ZBED1: variants seen among roughly 807,000 people sequenced by gnomAD.
ZBED1 encodes the protein E3 SUMO-protein ligase ZBED1.
A neutral mutation model predicts 49.7 loss-of-function variants in ZBED1; 19 were observed. The observed-to-expected ratio is 0.38, with a 90% CI of 0.27 to 0.56. The LOEUF is 0.56. Ranked by LOEUF, ZBED1 falls within the 20% of genes least tolerant of loss-of-function variation. ZBED1 has a pLI of 0.70. For missense variants in ZBED1, 806 were observed against 972.6 expected (o/e 0.83, Z 2.28); for synonymous variants, 439 against 440.3 (o/e 1.00, Z 0.04).
At position 2,499,495 on chromosome X, in the gene ZBED1, C is replaced by G. The variant is rs754050745; in HGVS notation, c.-54+1322G>C. Among the ~76,000 whole-genome samples the G allele has an allele frequency of 1.5e-4, 23 of 152,310 alleles. No homozygotes were observed. The East Asian group carries it at 4.2e-3, about 28-fold the overall frequency. On this transcript the variant is annotated intron_variant, in intron 1 of 1. Coordinates refer to ENST00000652001, the MANE Select transcript of ZBED1 (RefSeq NM_001171136.2). ...GTTTAAATTGAGAATATGGGCTGGG[C>G]ACAGTGGCGCTCTGTCTGTAATCCC...
At chrX:2,492,415 C>G (rs1431332351) in intron 1 of ZBED1, among the ~76,000 whole-genome samples, 1 of 151,370 alleles carries the variant, frequency 6.6e-6, no homozygotes. Context: ...AGGAAGGATC[C>G]TCCTCTAGAG....
chrX:2,500,806 G>C lies in ZBED1; in HGVS notation c.-54+11C>G. ...TCCCCGGAGCCCTGACCCCTGCCCCGCCCCGCTGACCTGGCTCCAGGAAGC... is the reference window on the plus strand; with the variant it reads ...TCCCCGGAGCCCTGACCCCTGCCCCCCCCCGCTGACCTGGCTCCAGGAAGC... On this transcript the variant is annotated intron_variant, in intron 1 of 1. Transcript: ENST00000652001. 1 of 957,744 alleles carries C rather than the reference G, an allele frequency of 1.0e-6. No individual in the cohort carries two copies. The highest frequency in any genetic ancestry group is 1.2e-6 in the Non-Finnish European group (1 of 818,026). 59.3% of individuals were successfully genotyped at this position (957,744 alleles called of 1,614,324 possible). A position where few individuals can be genotyped will look rare whatever the true frequency, so the allele number is the denominator to read the frequency against.
At chrX:2,491,066 G>GTTT (rs900738620) in intron 1 of ZBED1, among the ~76,000 whole-genome samples, 2,418 of 110,060 alleles carry the variant, frequency 0.022, 134 homozygotes, top group South Asian at 0.043. Context: ...AGTGCCTTTA[G>GTTT]TTTTTTTTTT....
rs1354246361 is a variant in ZBED1, at chrX:2,489,524, T to C, written c.1196A>G (p.Glu399Gly). The C allele has an allele frequency of 1.2e-6, 2 of 1,612,948 alleles. No homozygotes were observed. Among genetic ancestry groups the C allele is most frequent in the South Asian group, 2.2e-5 (2 of 91,016 alleles). The change falls in exon 2 of 2, where the codon GAG becomes GGG. Residue 399 changes from glutamate to glycine, a missense_variant. Coordinates refer to ENST00000652001, the MANE Select transcript of ZBED1 (RefSeq NM_001171136.2). ...SEWATIEGLV[E>G]LLQPFKQVAE... is the part of the protein sequence containing the mutation. Reference sequence around the variant, plus strand: ...CACCTGCTTGAAGGGCTGCAGGAGCTCCACCAGCCCCTCGATGGTGGCCCA... The same window carrying C: ...CACCTGCTTGAAGGGCTGCAGGAGCCCCACCAGCCCCTCGATGGTGGCCCA...
At chrX:2,491,066 G>GTT (rs900738620) in intron 1 of ZBED1, among the ~76,000 whole-genome samples, 22,293 of 109,494 alleles carry the variant, frequency 0.2, 3,254 homozygotes, top group East Asian at 0.63. Flanking sequence ...AGTGCCTTTA[G>GTT]TTTTTTTTTT....
chrX:2,495,447 G>C (rs1295009039), intron 1 of ZBED1, among the ~76,000 whole-genome samples: 1 of 152,016 alleles, frequency 6.6e-6, no homozygotes, highest in African/African-American at 2.4e-5. Flanking sequence ...CTAGTACCTG[G>C]AGTGAAGTTT....
chrX:2,500,353 T>C, intron 1 of ZBED1: 1 of 178,868 alleles, frequency 5.6e-6, no homozygotes, highest in South Asian at 1.2e-4. Flanking sequence ...CGCCCGCTCC[T>C]CCCCTCCGGG....
intron 1 of ZBED1, among the ~76,000 whole-genome samples, chrX:2,495,828 TCACGTTTCCAATTGCACATC>T (rs1405471501): frequency 6.6e-6 from 1 of 152,010 alleles, no homozygotes; most frequent in African/African-American, 2.4e-5. Context: ...GCCGGCGATT[TCACGTTTCCAATTGCACATC>T]CATGAGAGGC....
chrX:2,492,605 G>A (rs2045180977), intron 1 of ZBED1, among the ~76,000 whole-genome samples: 1 of 151,924 alleles, frequency 6.6e-6, no homozygotes, highest in Non-Finnish European at 1.5e-5. Context: ...AGCCCTAAAT[G>A]CAGTGACAGA....
rs373349701 is a variant in ZBED1 at position 2,488,671 on chromosome X, G to A, written c.2049C>T (p.Gly683=). 1.2e-5 allele frequency: 19 copies of A among 1,610,956 alleles called. No individual in the cohort carries two copies. The highest frequency in any genetic ancestry group is 6.7e-5 in the African/African-American group (5 of 74,716). The change falls in exon 2 of 2, where the codon GGC becomes GGT. Residue 683 remains glycine (G), a synonymous_variant. Coordinates refer to ENST00000652001, the MANE Select transcript of ZBED1 (RefSeq NM_001171136.2). ...QVFSLGDGVS[G]GFFGIRDSSF... is the part of the protein sequence containing the mutation. ...TGCTGTCCCTAATGCCAAAGAAACC[G>A]CCGCTGACGCCATCCCCCAAGGAGA...
chrX:2,500,392 G>A, intron 1 of ZBED1: 2 of 171,108 alleles, frequency 1.2e-5, no homozygotes, highest in Admixed American at 6.0e-5. Flanking sequence ...GTCACTGGCC[G>A]ACCGCAGGCG....
chrX:2,498,476 CGAT>C (rs2045333974), intron 1 of ZBED1, among the ~76,000 whole-genome samples: 1 of 152,098 alleles, frequency 6.6e-6, no homozygotes, highest in African/African-American at 2.4e-5. Context: ...GGAAGGGGCT[CGAT>C]GAGGGCAAGC....
chrX:2,496,004 G>C (rs1019312327), intron 1 of ZBED1, among the ~76,000 whole-genome samples: 2 of 152,046 alleles, frequency 1.3e-5, no homozygotes, highest in African/African-American at 4.8e-5. Context: ...TTCTCCCTAG[G>C]TTTTTGTTAT....
chrX:2,495,136 CTATTAT>C lies in ZBED1; in HGVS notation c.-53-4370_-53-4365del, dbSNP rs199925971. 8.6e-3 allele frequency among the ~76,000 whole-genome samples: 1,287 copies of C among 149,606 alleles called. 37 individuals are homozygous for C. The highest frequency in any genetic ancestry group is 0.083 in the East Asian group (421 of 5,094). On this transcript the variant is annotated intron_variant, in intron 1 of 1. Coordinates refer to ENST00000652001, the MANE Select transcript of ZBED1 (RefSeq NM_001171136.2). ...TATTCTATCATTATTATCATTATTA[CTATTAT>C]TATTATTATTACTGGGCTGAAAGAA...
intron 1 of ZBED1, among the ~76,000 whole-genome samples, chrX:2,493,148 G>A (rs765449547): frequency 1.6e-4 from 24 of 152,296 alleles, no homozygotes; most frequent in African/African-American, 5.1e-4. Flanking sequence ...CTGAGAGAAT[G>A]AATAACATGA....
intron 1 of ZBED1, among the ~76,000 whole-genome samples, chrX:2,497,443 T>TTTCTAATAGCCACTG (rs1437144264): frequency 2.0e-5 from 3 of 152,188 alleles, no homozygotes; most frequent in African/African-American, 7.2e-5. Context: ...TTCTACCTGA[T>TTTCTAATAGCCACTG]TTCTAATAGC....
At position 2,489,744 on chromosome X, in the gene ZBED1, C is replaced by T; in HGVS notation, c.976G>A (p.Ala326Thr). 6.2e-7 allele frequency: 1 copy of T among 1,613,262 alleles called. No individual in the cohort carries two copies. Among genetic ancestry groups the T allele is most frequent in the Non-Finnish European group, 8.5e-7 (1 of 1,179,872 alleles). Residue 326 changes from alanine to threonine, a missense_variant, in exon 2 of 2, where the codon GCC (alanine) becomes ACC (threonine). This residue lies in a region of ZBED1 where 749 missense variants were observed against 861.3 expected (regional missense o/e 0.87). Coordinates refer to ENST00000652001, the MANE Select transcript of ZBED1 (RefSeq NM_001171136.2). ...RKLVEYFQQS[A>T]VAMYMLYEKQ... ...TCATAGAGCATGTACATGGCCACGG[C>T]AGACTGCTGGAAGTACTCCACCAGT... is the stretch of plus-strand genomic sequence containing the variant.
chrX:2,488,973 G>C lies in ZBED1; in HGVS notation c.1747C>G (p.Leu583Val). The C allele has an allele frequency of 6.3e-7, 1 of 1,599,736 alleles. No homozygotes were observed. Among genetic ancestry groups the C allele is most frequent in the Non-Finnish European group, 8.5e-7 (1 of 1,171,594 alleles). ...SNFKSQKVLG[L>V]NEDPLKWWSD... Reference sequence around the variant, plus strand: ...CACCACTTGAGGGGGTCTTCGTTGAGGCCAAGCACCTTCTGGGACTTGAAG... The same window carrying C: ...CACCACTTGAGGGGGTCTTCGTTGACGCCAAGCACCTTCTGGGACTTGAAG... Residue 583 changes from leucine to valine, a missense_variant, in exon 2 of 2, where the codon CTC becomes GTC. Around this residue, in one of 2 missense-constraint regions of ZBED1, gnomAD observed 749 missense variants for 861.3 expected, o/e 0.87. Coordinates refer to ENST00000652001, the MANE Select transcript of ZBED1 (RefSeq NM_001171136.2).
At chrX:2,492,469 G>A (rs1028872039) in intron 1 of ZBED1, among the ~76,000 whole-genome samples, 3 of 151,168 alleles carry the variant, frequency 2.0e-5, no homozygotes, top group Admixed American at 2.0e-4. Context: ...TTGAACAGTG[G>A]CCCGCAGAAA....
Sources: allele counts gnomAD v4.1 joint callset (sites outside exome capture counted in the v4.1 genomes callset), GRCh38; gene constraint gnomAD v4.1.1; regional missense constraint gnomAD v4.1.1; transcripts MANE v1.5; gene names NCBI Gene and HGNC (gene_info 2026-07-23, HGNC 2026-07-21).